Variants in CDH22 observed in about 807,000 individuals in gnomAD.
The protein encoded by CDH22 is cadherin 22.
A neutral mutation model predicts 58.4 loss-of-function variants in CDH22; 30 were observed. The ratio of observed to expected loss-of-function variants is 0.51; its 90% CI spans 0.38 to 0.70. CDH22 has a LOEUF of 0.70. CDH22 is among the 30% of genes least tolerant of loss of function. The pLI, the probability that CDH22 is intolerant of heterozygous loss-of-function variation, is 0.00. For synonymous variants in CDH22, 513 were observed against 558.2 expected (o/e 0.92, Z 1.14); for missense variants, 1,014 against 1,233.9 (o/e 0.82, Z 2.67).
At chr20:46,258,978 C>T (rs959180177) in intron 1 of CDH22, among the ~76,000 whole-genome samples, 4 of 152,278 alleles carry the variant, frequency 2.6e-5, no homozygotes, top group Admixed American at 6.5e-5. Flanking sequence ...TTACCAATAG[C>T]GATGAAGCAT....
intron 1 of CDH22, among the ~76,000 whole-genome samples, chr20:46,261,638 G>T (rs2086433648): frequency 6.6e-6 from 1 of 152,170 alleles, no homozygotes; most frequent in African/African-American, 2.4e-5. Context: ...TGGGAGCGGT[G>T]CCTGACAGTC....
chr20:46,223,809 TCTTCCTTTCTTC>T (rs1404199046), intron 4 of CDH22, among the ~76,000 whole-genome samples: 2,427 of 35,480 alleles, frequency 0.068, 39 homozygotes, highest in Non-Finnish European at 0.095. Flanking sequence ...CTTCTTCCTT[TCTTCCTTTCTTC>T]CTTCCTTCCT....
chr20:46,250,915 C>T (rs1453573756), intron 2 of CDH22, 125 bp downstream of exon 2: 6 of 626,436 alleles, frequency 9.6e-6, no homozygotes, highest in Non-Finnish European at 1.7e-5. Flanking sequence ...CAGTCCTTGG[C>T]TAGGGAGCAG....
chr20:46,178,292 C>A, intron 10 of CDH22, 95 bp from the exon 11 acceptor site: 1 of 1,406,478 alleles, frequency 7.1e-7, no homozygotes, highest in Non-Finnish European at 9.7e-7. Flanking sequence ...ATTTGCCTCC[C>A]TATGCCCCAA....
intron 1 of CDH22, among the ~76,000 whole-genome samples, chr20:46,271,507 G>T (rs1218204012): frequency 1.3e-5 from 2 of 151,776 alleles, no homozygotes; most frequent in African/African-American, 4.8e-5. Context: ...AAACCTCTCA[G>T]AAAACTGCCT....
intron 1 of CDH22, among the ~76,000 whole-genome samples, chr20:46,270,436 C>G (rs1480337534): frequency 6.6e-6 from 1 of 152,128 alleles, no homozygotes; most frequent in African/African-American, 2.4e-5. Context: ...TTACTTTATC[C>G]CCTCTCCTGA....
chr20:46,251,558 C>A lies in CDH22; in HGVS notation c.-264G>T. 3.6e-6 allele frequency: 1 copy of A among 278,112 alleles called. No homozygotes were observed. Among genetic ancestry groups the A allele is most frequent in the Non-Finnish European group, 6.6e-6 (1 of 151,186 alleles). 17.2% of individuals were successfully genotyped at this position (278,112 alleles called of 1,614,324 possible). ...GTGCCCGCCCGCGCCCCCGTCGCCG[C>A]GTCGCGTGCGGATCACCAGGCAGCA... is the stretch of plus-strand genomic sequence containing the variant. On this transcript the variant is annotated 5_prime_UTR_variant, in exon 2 of 12. Transcript: ENST00000537909. This position sits in a 1 kb window ranked among gnomAD's most constrained non-coding sequence, Gnocchi z 6.7.
chr20:46,284,690 A>C (rs1401407781), intron 1 of CDH22, among the ~76,000 whole-genome samples: 1 of 152,156 alleles, frequency 6.6e-6, no homozygotes, highest in Admixed American at 6.5e-5. Context: ...CATGTGAGCC[A>C]AGGCCACAGG....
chr20:46,196,256 A>C (rs1246775106), intron 8 of CDH22, among the ~76,000 whole-genome samples: 3 of 151,832 alleles, frequency 2.0e-5, no homozygotes, highest in Non-Finnish European at 2.9e-5. Flanking sequence ...GGTGAAAAGG[A>C]AGAGTGGGTC....
At chr20:46,234,427 A>G (rs759731948) in intron 3 of CDH22, among the ~76,000 whole-genome samples, 1 of 152,252 alleles carries the variant, frequency 6.6e-6, no homozygotes, top group Non-Finnish European at 1.5e-5. Flanking sequence ...AGACACTAAT[A>G]CTGATCCTGC....
intron 1 of CDH22, among the ~76,000 whole-genome samples, chr20:46,260,944 A>T (rs1227553232): frequency 2.6e-5 from 4 of 152,202 alleles, no homozygotes; most frequent in Non-Finnish European, 5.9e-5. Flanking sequence ...AAAGTAGAAC[A>T]GATTTTGTGG....
At chr20:46,214,657 G>A (rs1471129799) in intron 5 of CDH22, among the ~76,000 whole-genome samples, 2 of 152,064 alleles carry the variant, frequency 1.3e-5, no homozygotes, top group South Asian at 2.1e-4. Context: ...TCACCTCCAG[G>A]CATCCCCTCT....
intron 1 of CDH22, among the ~76,000 whole-genome samples, chr20:46,273,956 G>A (rs1421668508): frequency 6.6e-6 from 1 of 152,264 alleles, no homozygotes; most frequent in Non-Finnish European, 1.5e-5. Context: ...CCACTGGGAG[G>A]AGGGAAGAGC....
At chr20:46,199,359 T>G (rs1309260986) in intron 8 of CDH22, 64 bp downstream of exon 8, 1 of 1,558,686 alleles carries the variant, frequency 6.4e-7, no homozygotes, top group African/African-American at 1.3e-5. Flanking sequence ...CCTTGGCCCC[T>G]CCCTTCAGCT....
At chr20:46,264,822 C>T (rs2086450225) in intron 1 of CDH22, among the ~76,000 whole-genome samples, 1 of 152,086 alleles carries the variant, frequency 6.6e-6, no homozygotes, top group Non-Finnish European at 1.5e-5. Context: ...TATGCACACA[C>T]ACACACACAC....
At chr20:46,292,685 A>G (rs1421754787) in intron 1 of CDH22, among the ~76,000 whole-genome samples, 1 of 152,150 alleles carries the variant, frequency 6.6e-6, no homozygotes, top group African/African-American at 2.4e-5. Flanking sequence ...CCAACACTCC[A>G]GTCACACAGA....
intron 4 of CDH22, among the ~76,000 whole-genome samples, chr20:46,224,255 T>C (rs945118565): frequency 6.6e-6 from 1 of 152,240 alleles, no homozygotes; most frequent in Non-Finnish European, 1.5e-5. Context: ...TTCTATATTC[T>C]CTACTTCAAT....
Position 46,210,256 on chromosome 20 carries a change from G to C in CDH22, c.1286+51C>G. ...CTCTGCCCGCAGTCTGTCCGCGGGG[G>C]TGATGGCGGGATAGCAGGCAGCAGG... is the stretch of plus-strand genomic sequence containing the variant. On this transcript the variant is annotated intron_variant, in intron 7 of 11. Transcript: ENST00000537909. The surrounding 1 kb of genome is among the most constrained non-coding windows in gnomAD (Gnocchi z 4.5). The C allele has an allele frequency of 1.5e-6, 2 of 1,363,522 alleles. No individual in the cohort carries two copies. 84.5% of individuals were successfully genotyped at this position (1,363,522 alleles called of 1,614,324 possible). A position where few individuals can be genotyped will look rare whatever the true frequency, so the allele number is the denominator to read the frequency against.
At chr20:46,187,000 T>G in intron 8 of CDH22, 53 bp from the exon 9 acceptor site, 1 of 1,519,262 alleles carries the variant, frequency 6.6e-7, no homozygotes, top group African/African-American at 1.4e-5. Context: ...GAGATCTAGA[T>G]AGCCTCCTCT....
Sources: gnomAD v4.1 joint callset for allele counts (sites outside exome capture counted in the v4.1 genomes callset) on GRCh38, gnomAD v4.1.1 for gene constraint, Gnocchi (gnomAD v3.1) non-coding constraint, MANE v1.5 for transcripts, NCBI Gene and HGNC (gene_info 2026-07-23, HGNC 2026-07-21) for gene names.